Variants in CYP7B1 observed in about 807,000 individuals in gnomAD.
CYP7B1 encodes cytochrome P450 7B1.
CYP7B1 carries 29 observed loss-of-function variants against 42.7 expected under a neutral mutation model. The observed-to-expected ratio is 0.68, with a 90% CI of 0.51 to 0.93. The LOEUF (loss-of-function observed/expected upper bound fraction) is 0.93, where lower values mean the gene tolerates loss of function less well. Ranked by LOEUF, CYP7B1 falls within the 40% of genes least tolerant of loss-of-function variation. The pLI is 0.00. For missense variants in CYP7B1, 655 were observed against 600.5 expected, an observed-to-expected ratio of 1.09 and a Z score of -0.95; for synonymous variants, 235 against 218.2, an observed-to-expected ratio of 1.08 and a Z score of -0.68.
rs149894889 is a variant in CYP7B1 at position 64,597,827 on chromosome 8, C to T, written c.1234-898G>A. Among the ~76,000 whole-genome samples, 83 of 152,254 alleles carry T rather than the reference C, an allele frequency of 5.5e-4. 1 individual carries two copies. In the Middle Eastern group the frequency reaches 0.014, roughly 25 times the overall value. ...ATGTCCGTGGCTTGCATGGAAACGA[C>T]CAAGTATTTCCTGTAGTTGGTGCTC... On this transcript the variant is annotated intron_variant, in intron 5 of 5. Coordinates refer to ENST00000310193, the MANE Select transcript of CYP7B1 (RefSeq NM_004820.5).
intron 1 of CYP7B1, among the ~76,000 whole-genome samples, chr8:64,762,242 T>C (rs1807901681): frequency 6.6e-6 from 1 of 152,182 alleles, no homozygotes. Flanking sequence ...ATAAGTCTTA[T>C]CTAAAATGAT....
chr8:64,667,016 A>T (rs1806290573), intron 1 of CYP7B1, among the ~76,000 whole-genome samples: 2 of 152,208 alleles, frequency 1.3e-5, no homozygotes, highest in Admixed American at 6.5e-5. Flanking sequence ...CCTTGGAAAT[A>T]TCAGGATATT....
chr8:64,624,376 T>C (rs555687385), intron 2 of CYP7B1, 27 bp downstream of exon 2: 1 of 1,606,672 alleles, frequency 6.2e-7, no homozygotes, highest in Non-Finnish European at 8.5e-7. Context: ...ATGACATATA[T>C]AAGGTATTAA....
intron 1 of CYP7B1, among the ~76,000 whole-genome samples, chr8:64,770,877 G>A (rs1804210961): frequency 1.3e-5 from 2 of 152,004 alleles, no homozygotes; most frequent in African/African-American, 4.8e-5. Context: ...AACATTAGTT[G>A]ATCATTTAGT....
At chr8:64,719,519 T>C (rs1385199166) in intron 1 of CYP7B1, among the ~76,000 whole-genome samples, 1 of 152,234 alleles carries the variant, frequency 6.6e-6, no homozygotes, top group Non-Finnish European at 1.5e-5. Flanking sequence ...ACACGCTGCC[T>C]TTGGGTTCAC....
intron 1 of CYP7B1, among the ~76,000 whole-genome samples, chr8:64,777,013 G>GTCATA (rs955819910): frequency 1.3e-5 from 2 of 152,042 alleles, no homozygotes; most frequent in African/African-American, 4.8e-5. Context: ...AGGGTCCTGT[G>GTCATA]TCATATCAAA....
At position 64,616,019 on chromosome 8, in the gene CYP7B1, A is replaced by G. The variant is rs371522442; in HGVS notation, c.522T>C (p.Ser174=). 448 of 1,613,732 alleles carry G rather than the reference A, an allele frequency of 2.8e-4. No homozygotes were observed. The highest frequency in any genetic ancestry group is 1.4e-3 in the South Asian group (130 of 91,068). The change falls in exon 3 of 6, where the codon AGT becomes AGC. Residue 174 remains serine (S), a synonymous_variant. Transcript: ENST00000310193. ...ATGGATACAGTTCTGCCGTGTCCCA[A>G]CTTGTGGTTTTTAACAGCTGGGGTT... The part of the protein sequence containing the change: ...VFEPQLLKTT[S]WDTAELYPFC...
intron 1 of CYP7B1, among the ~76,000 whole-genome samples, chr8:64,704,996 T>C (rs1806972190): frequency 6.6e-6 from 1 of 152,000 alleles, no homozygotes; most frequent in African/African-American, 2.4e-5. Context: ...TACTCAGTAA[T>C]TACCTATGAT....
intron 1 of CYP7B1, among the ~76,000 whole-genome samples, chr8:64,779,757 A>T (rs1396540329): frequency 6.6e-6 from 1 of 152,124 alleles, no homozygotes; most frequent in Non-Finnish European, 1.5e-5. Flanking sequence ...CTCTCATCCT[A>T]CTATTATTTG....
chr8:64,596,986 G>A (rs749376865), intron 5 of CYP7B1, 57 bp from the exon 6 acceptor site: 46 of 1,466,958 alleles, frequency 3.1e-5, no homozygotes, highest in Non-Finnish European at 2.8e-6. Flanking sequence ...TTGAGTTCAA[G>A]TCCACAAAGT....
intron 5 of CYP7B1, among the ~76,000 whole-genome samples, chr8:64,600,816 A>G (rs982907594): frequency 1.3e-5 from 2 of 152,150 alleles, no homozygotes; most frequent in African/African-American, 4.8e-5. Context: ...GTAGGTATGA[A>G]GTGTCAATTT....
Position 64,593,419 on chromosome 8 carries a change from A to T in CYP7B1, c.*3223T>A, listed in dbSNP as rs960725310. Among the ~76,000 whole-genome samples, 2 of 152,144 alleles carry T rather than the reference A, an allele frequency of 1.3e-5. No individual in the cohort carries two copies. Among genetic ancestry groups the T allele is most frequent in the African/African-American group, 4.8e-5 (2 of 41,422 alleles). ...TATCTCAGTCTTAGCTCCGGGTAAA[A>T]ATAAACAAAAAAATGAACCCCCAAA... On this transcript the variant is annotated 3_prime_UTR_variant, in exon 6 of 6. Coordinates refer to ENST00000310193, the MANE Select transcript of CYP7B1 (RefSeq NM_004820.5).
Position 64,615,777 on chromosome 8 carries a change from G to A in CYP7B1, c.764C>T (p.Ala255Val). ...AACTTCTGACCATCCTTGCATCTTG[G>A]CTAACTTTTCTGATGAGAAGCATTT... Reference protein sequence around the residue: ...IIKCFSSEKLAKMQGWSEVFQ... With the variant: ...IIKCFSSEKLVKMQGWSEVFQ... The change falls in exon 3 of 6, where the codon GCC (alanine) becomes GTC (valine). Residue 255 changes from alanine (A) to valine (V), a missense_variant. By Grantham distance (64) the Ala-to-Val change is moderately conservative. Coordinates refer to ENST00000310193, the MANE Select transcript of CYP7B1 (RefSeq NM_004820.5). 1 of 1,613,646 alleles carries A rather than the reference G, an allele frequency of 6.2e-7. No individual in the cohort carries two copies. Among genetic ancestry groups the A allele is most frequent in the Non-Finnish European group, 8.5e-7 (1 of 1,179,758 alleles).
At chr8:64,767,781 G>A (rs1402548307) in intron 1 of CYP7B1, among the ~76,000 whole-genome samples, 1 of 152,120 alleles carries the variant, frequency 6.6e-6, no homozygotes, top group Non-Finnish European at 1.5e-5. Context: ...GTCTCTTCCA[G>A]AATCAAAGCT....
At chr8:64,746,880 T>G (rs1023051125) in intron 1 of CYP7B1, among the ~76,000 whole-genome samples, 4 of 151,964 alleles carry the variant, frequency 2.6e-5, no homozygotes, top group Admixed American at 2.6e-4. Flanking sequence ...ATGTATTTAA[T>G]CCCAATCTGC....
At chr8:64,771,045 A>ATTTTTTTTTTTTTTTTTTTTTTT (rs1308107007) in intron 1 of CYP7B1, among the ~76,000 whole-genome samples, 1 of 40,498 alleles carries the variant, frequency 2.5e-5, no homozygotes, top group African/African-American at 8.3e-5. Flanking sequence ...GGATATCAGC[A>ATTTTTTTTTTTTTTTTTTTTTTT]TCTTTTTTTT....
At chr8:64,727,173 G>A (rs372536574) in intron 1 of CYP7B1, among the ~76,000 whole-genome samples, 2 of 152,012 alleles carry the variant, frequency 1.3e-5, no homozygotes, top group South Asian at 2.1e-4. Context: ...GTTTCCCCTG[G>A]GAGTTCTACT....
At chr8:64,624,669 C>T in intron 1 of CYP7B1, 130 bp from the exon 2 acceptor site, 1 of 1,023,914 alleles carries the variant, frequency 9.8e-7, no homozygotes, top group Non-Finnish European at 1.4e-6. Flanking sequence ...TATTCTCTTA[C>T]TCAGTGATTC....
intron 1 of CYP7B1, among the ~76,000 whole-genome samples, chr8:64,755,753 C>T (rs927458356): frequency 2.0e-5 from 3 of 152,012 alleles, no homozygotes; most frequent in Admixed American, 6.6e-5. Context: ...GACAAAATTT[C>T]CACATATTTC....
Sources: allele counts gnomAD v4.1 joint callset (sites outside exome capture counted in the v4.1 genomes callset), GRCh38; gene constraint gnomAD v4.1.1; transcripts MANE v1.5; gene names NCBI Gene and HGNC (gene_info 2026-07-23, HGNC 2026-07-21).